PCDHA9: variants seen among roughly 807,000 people sequenced by gnomAD.
The protein encoded by PCDHA9 is protocadherin alpha 9.
Under a neutral mutation model 62.0 loss-of-function variants are expected in PCDHA9, and 62 were observed. The observed-to-expected ratio is 1.00, with a 90% CI of 0.81 to 1.23. The LOEUF (loss-of-function observed/expected upper bound fraction) is 1.23. Among genes scored for constraint, PCDHA9 ranks in the 50% most tolerant of loss-of-function variants. PCDHA9 has a pLI of 0.00. For missense variants in PCDHA9, 1,205 were observed against 1,249.8 expected (o/e 0.96, Z 0.54); for synonymous variants, 557 against 567.6 (o/e 0.98, Z 0.27).
chr5:140,901,020 C>G (rs528406801), intron 1 of PCDHA9, among the ~76,000 whole-genome samples: 2 of 152,262 alleles, frequency 1.3e-5, no homozygotes, highest in African/African-American at 4.8e-5. Flanking sequence ...TGAGAAACAT[C>G]TATTCAACTC....
intron 1 of PCDHA9, chr5:140,968,672 G>A: frequency 6.2e-7 from 1 of 1,614,180 alleles, no homozygotes; most frequent in Non-Finnish European, 8.5e-7. Context: ...CTTTAAGGTA[G>A]AGCTGCACAC....
At position 140,928,086 on chromosome 5, in the gene PCDHA9, G is replaced by A. The variant is rs17844363; in HGVS notation, c.2395-50863G>A. The A allele has an allele frequency of 1.9e-4, 304 of 1,614,206 alleles. No homozygotes were observed. The East Asian group carries it at 3.7e-3, about 20-fold the overall frequency. On this transcript the variant is annotated intron_variant, in intron 1 of 3. Transcript: ENST00000532602. ...CCTTTGACAACTACTACAGCCTGCT[G>A]ATTGATGGGCCCCTGGACCGGGAGC...
At chr5:140,907,170 TG>T (rs1318866379) in intron 1 of PCDHA9, among the ~76,000 whole-genome samples, 1 of 152,188 alleles carries the variant, frequency 6.6e-6, no homozygotes. Flanking sequence ...TATTGGATGC[TG>T]ATTCAGAGCA....
chr5:140,868,742 T>A (rs2050624283), intron 1 of PCDHA9: 2 of 208,154 alleles, frequency 9.6e-6, no homozygotes, highest in Non-Finnish European at 9.7e-6. Flanking sequence ...AGAAATACAA[T>A]GCCATTTCCA....
chr5:140,969,075 A>G, intron 1 of PCDHA9: 1 of 1,614,184 alleles, frequency 6.2e-7, no homozygotes, highest in Non-Finnish European at 8.5e-7. Flanking sequence ...AGGATACCGC[A>G]TGGCCTCAAA....
At chr5:140,895,092 G>A (rs2064837860) in intron 1 of PCDHA9, among the ~76,000 whole-genome samples, 1 of 152,090 alleles carries the variant, frequency 6.6e-6, no homozygotes, top group Admixed American at 6.5e-5. Flanking sequence ...CCTCAGTATA[G>A]GGGTTTTTGC....
intron 2 of PCDHA9, among the ~76,000 whole-genome samples, chr5:140,981,175 T>C (rs1350828084): frequency 6.6e-6 from 1 of 152,238 alleles, no homozygotes; most frequent in African/African-American, 2.4e-5. Context: ...TTCCCTCTAA[T>C]AGTTCAAGTT....
At position 140,941,191 on chromosome 5, in the gene PCDHA9, TTTTCTTTCTTCC is replaced by T. The variant is rs1293685535; in HGVS notation, c.2395-37735_2395-37724del. 2.6e-3 allele frequency among the ~76,000 whole-genome samples: 239 copies of T among 93,120 alleles called. 3 individuals are homozygous for T. Among genetic ancestry groups the T allele is most frequent in the East Asian group, 5.8e-3 (18 of 3,094 alleles). The allele number at this position is 93,120 out of a possible 152,430, so 61.1% of individuals were successfully genotyped here. ...CATCTTGAACATCCTGCTTCTTTTT[TTTTCTTTCTTCC>T]TTTCTTTCTTCCTTTCTTTCTTTCT... is the stretch of plus-strand genomic sequence containing the variant. On this transcript the variant is annotated intron_variant, in intron 1 of 3. Transcript: ENST00000532602.
chr5:140,929,164 G>A (rs1554206780), intron 1 of PCDHA9: 10 of 1,614,150 alleles, frequency 6.2e-6, no homozygotes, highest in East Asian at 2.2e-5. Context: ...TCTCTATCGG[G>A]CCTCTCTGGG....
At position 140,931,063 on chromosome 5, in the gene PCDHA9, A is replaced by C. The variant is rs1584700470; in HGVS notation, c.2395-47886A>C. Among the ~76,000 whole-genome samples, 4 of 152,202 alleles carry C rather than the reference A, an allele frequency of 2.6e-5. No individual in the cohort carries two copies. In the South Asian group the frequency reaches 8.3e-4, roughly 31 times the overall value. On this transcript the variant is annotated intron_variant, in intron 1 of 3. Coordinates refer to ENST00000532602, the MANE Select transcript of PCDHA9 (RefSeq NM_031857.2). ...GAAAAACTTCAATGCTGTGTCTGGGACTAAGTATGAGTCCAGTTCTACAGA... is the reference window on the plus strand; with the variant it reads ...GAAAAACTTCAATGCTGTGTCTGGGCCTAAGTATGAGTCCAGTTCTACAGA...
intron 1 of PCDHA9, among the ~76,000 whole-genome samples, chr5:140,886,931 G>A (rs1426144437): frequency 6.6e-6 from 1 of 151,756 alleles, no homozygotes; most frequent in Non-Finnish European, 1.5e-5. Context: ...CTATGTGCCA[G>A]GCATGTTCTA....
intron 2 of PCDHA9, chr5:140,982,224 A>C: frequency 1.7e-6 from 1 of 587,320 alleles, no homozygotes; most frequent in South Asian, 3.8e-5. Flanking sequence ...TGGCGTTAAT[A>C]AAAAACAGAA....
At chr5:140,877,048 G>T (rs376952553) in intron 1 of PCDHA9, 1 of 1,612,676 alleles carries the variant, frequency 6.2e-7, no homozygotes, top group Non-Finnish European at 8.5e-7. Flanking sequence ...GCTAGACCAC[G>T]AGGAGCTGGA....
intron 1 of PCDHA9, among the ~76,000 whole-genome samples, chr5:140,950,612 T>A (rs2094502401): frequency 6.6e-6 from 1 of 152,072 alleles, no homozygotes; most frequent in Non-Finnish European, 1.5e-5. Flanking sequence ...ATGATGTGCT[T>A]ATTTATGCTT....
At chr5:140,975,068 C>T (rs1273763502) in intron 1 of PCDHA9, among the ~76,000 whole-genome samples, 4 of 152,134 alleles carry the variant, frequency 2.6e-5, no homozygotes, top group African/African-American at 9.7e-5. Flanking sequence ...CGAGCTCATT[C>T]AGATTGTTGG....
chr5:140,871,762 G>A (rs2053295572), intron 1 of PCDHA9, among the ~76,000 whole-genome samples: 1 of 152,200 alleles, frequency 6.6e-6, no homozygotes, highest in South Asian at 2.1e-4. Flanking sequence ...AGATGCAAGA[G>A]TGACTCTTCT....
chr5:140,967,332 C>T (rs1269679357), intron 1 of PCDHA9: 2 of 1,607,906 alleles, frequency 1.2e-6, no homozygotes, highest in Non-Finnish European at 1.7e-6. Context: ...GAGCTCAGCC[C>T]CAGCGAGCAC....
rs1250461159 is a variant in PCDHA9 at position 140,856,238 on chromosome 5, C to A, written c.2394+5349C>A. 4 of 1,597,820 alleles carry A rather than the reference C, an allele frequency of 2.5e-6. 1 individual carries two copies. Among genetic ancestry groups the A allele is most frequent in the African/African-American group, 1.3e-5 (1 of 74,234 alleles). On this transcript the variant is annotated intron_variant, in intron 1 of 3. Coordinates refer to ENST00000532602, the MANE Select transcript of PCDHA9 (RefSeq NM_031857.2). ...GGCGGAGCTGGTGCAGCGCCTGTTC[C>A]GGGTGGCGTCCAAAAGACACGGGGA... is the stretch of plus-strand genomic sequence containing the variant.
intron 1 of PCDHA9, among the ~76,000 whole-genome samples, chr5:140,946,752 A>G (rs1470208958): frequency 9.2e-5 from 14 of 151,470 alleles, no homozygotes; most frequent in African/African-American, 3.4e-4. Context: ...CAAATACTGC[A>G]TGATCTCATT....
Sources: allele counts gnomAD v4.1 joint callset (sites outside exome capture counted in the v4.1 genomes callset), GRCh38; gene constraint gnomAD v4.1.1; transcripts MANE v1.5; gene names NCBI Gene and HGNC (gene_info 2026-07-23, HGNC 2026-07-21).